Variants in ALDH3A2 observed in about 807,000 individuals in gnomAD.
ALDH3A2 encodes the protein aldehyde dehydrogenase family 3 member A2.
ALDH3A2 carries 36 observed loss-of-function variants against 51.3 expected under a neutral mutation model. The ratio of observed to expected loss-of-function variants is 0.70; its 90% CI spans 0.54 to 0.93. The LOEUF is 0.93. ALDH3A2 is among the 40% of genes least tolerant of loss of function. The pLI, the probability that ALDH3A2 is intolerant of heterozygous loss-of-function variation, is 0.00. For missense variants in ALDH3A2, 552 were observed against 603.1 expected (o/e 0.92, Z 0.89); for synonymous variants, 199 against 219.8 (o/e 0.91, Z 0.84).
intron 5 of ALDH3A2, 89 bp from the exon 6 acceptor site, chr17:19,661,038 T>G: frequency 7.8e-7 from 1 of 1,287,540 alleles, no homozygotes; most frequent in Non-Finnish European, 1.1e-6. Flanking sequence ...TAAAACCAGA[T>G]TGATTTTGGG....
At chr17:19,655,697 A>G (rs761954394) in intron 3 of ALDH3A2, among the ~76,000 whole-genome samples, 10 of 152,274 alleles carry the variant, frequency 6.6e-5, no homozygotes, top group Non-Finnish European at 1.5e-4. Context: ...CTTACTTTTG[A>G]TGCTGTTATT....
intron 9 of ALDH3A2, 25 bp from the exon 10 acceptor site, chr17:19,675,533 C>CT: frequency 6.2e-7 from 1 of 1,613,662 alleles, no homozygotes; most frequent in Non-Finnish European, 8.5e-7. Context: ...GCTGAGTAAA[C>CT]TGAATCCTTT....
chr17:19,655,242 G>A (rs1044793814), intron 3 of ALDH3A2: 3 of 152,190 alleles, frequency 2.0e-5, no homozygotes, highest in African/African-American at 7.2e-5. Flanking sequence ...ATTGAGGCCA[G>A]TTCTGGTTCT....
In ALDH3A2 at chr17:19,675,609, A is replaced by G. The variant is rs1325736402; in HGVS notation, c.*37A>G. The G allele has an allele frequency of 1.3e-6, 2 of 1,596,190 alleles. No individual in the cohort carries two copies. Among genetic ancestry groups the G allele is most frequent in the Admixed American group, 1.7e-5 (1 of 60,000 alleles). ...GTTCAACCTCCTAGTGCCTCTACTG[A>G]ATTATTCCTCTTTTAAATGGTTAAT... On this transcript the variant is annotated 3_prime_UTR_variant, in exon 10 of 10. Transcript: ENST00000176643.
chr17:19,657,378 A>C (rs2152328579), intron 4 of ALDH3A2, among the ~76,000 whole-genome samples: 1 of 152,314 alleles, frequency 6.6e-6, no homozygotes, highest in South Asian at 2.1e-4. Context: ...CAACCAGGAG[A>C]GTCTGTACCG....
chr17:19,673,547 A>C (rs765611517), intron 9 of ALDH3A2, among the ~76,000 whole-genome samples: 15 of 151,916 alleles, frequency 9.9e-5, no homozygotes, highest in Non-Finnish European at 1.8e-4. Context: ...GTGAAACCCC[A>C]TCTCTACTAA....
chr17:19,648,220 C>T (rs2084760671), upstream of ALDH3A2: 1 of 152,406 alleles, frequency 6.6e-6, no homozygotes, highest in African/African-American at 2.4e-5. Context: ...GGAGACGAAC[C>T]CCGGCTTCCC....
At position 19,671,739 on chromosome 17, in the gene ALDH3A2, CT is replaced by C; in HGVS notation, c.1228del (p.Tyr410IlefsTer18). On this transcript the variant is annotated frameshift_variant, in exon 9 of 10. Coordinates refer to ENST00000176643, the MANE Select transcript of ALDH3A2 (RefSeq NM_000382.3). LOFTEE classifies it high-confidence loss of function. Reference sequence around the variant, plus strand: ...ATTTCAGGTTCCAGTGGGATGGGAGCTTATCACGGAAAACATAGTTTTGATA... The same window carrying C: ...ATTTCAGGTTCCAGTGGGATGGGAGCTATCACGGAAAACATAGTTTTGATA... ...FGGVGSSGMGAYHGKHSFDTF... is the reference protein window; with the variant it reads ...FGGVGSSGMGXYHGKHSFDTF... The C allele has an allele frequency of 6.2e-7, 1 of 1,614,018 alleles. No homozygotes were observed. The highest frequency in any genetic ancestry group is 8.5e-7 in the Non-Finnish European group (1 of 1,179,910).
chr17:19,653,159 C>G lies in ALDH3A2; in HGVS notation c.471+527C>G, dbSNP rs1034405433. Among the ~76,000 whole-genome samples, 7 of 151,890 alleles carry G rather than the reference C, an allele frequency of 4.6e-5. No homozygotes were observed. In the South Asian group the frequency reaches 6.3e-4, roughly 14 times the overall value. On this transcript the variant is annotated intron_variant, in intron 3 of 9. Coordinates refer to ENST00000176643, the MANE Select transcript of ALDH3A2 (RefSeq NM_000382.3). ...TCCTGGGTGCAAGCGATTCTTCTGC[C>G]TCAGCCTCCCAAGTAGCTGGGATTA...
chr17:19,651,618 TC>T lies in ALDH3A2; in HGVS notation c.227del (p.Pro76LeufsTer31). 6.2e-7 allele frequency: 1 copy of T among 1,614,230 alleles called. No individual in the cohort carries two copies. Among genetic ancestry groups the T allele is most frequent in the South Asian group, 1.1e-5 (1 of 91,080 alleles). On this transcript the variant is annotated frameshift_variant, in exon 2 of 10. Coordinates refer to ENST00000176643, the MANE Select transcript of ALDH3A2 (RefSeq NM_000382.3). LOFTEE classifies it high-confidence loss of function. The part of the protein sequence containing the change: ...GEIDFMLENL[P>X]EWVTAKPVKK... ...AAATTGATTTTATGCTTGAGAATCT[TC>T]CTGAATGGGTTACTGCTAAACCAGT...
At chr17:19,661,458 T>C (rs760105634) in intron 6 of ALDH3A2, 190 bp downstream of exon 6, 1 of 662,646 alleles carries the variant, frequency 1.5e-6, no homozygotes, top group Non-Finnish European at 2.5e-6. Context: ...TTCTGTGTAT[T>C]GAATGATGCC....
intron 8 of ALDH3A2, among the ~76,000 whole-genome samples, chr17:19,667,082 C>T (rs2085048606): frequency 6.6e-6 from 1 of 151,998 alleles, no homozygotes; most frequent in Non-Finnish European, 1.5e-5. Flanking sequence ...ACCCATAACC[C>T]CACTATGTAA....
intron 9 of ALDH3A2, among the ~76,000 whole-genome samples, chr17:19,672,684 G>T (rs1214835966): frequency 2.6e-5 from 4 of 152,118 alleles, no homozygotes; most frequent in African/African-American, 9.7e-5. Context: ...TGAAAATATT[G>T]ACCATATCAG....
intron 5 of ALDH3A2, among the ~76,000 whole-genome samples, chr17:19,658,811 G>A (rs2084931195): frequency 6.6e-6 from 1 of 151,964 alleles, no homozygotes; most frequent in South Asian, 2.1e-4. Flanking sequence ...GTTCAGCAGT[G>A]GGTGAGGATC....
chr17:19,652,630 C>G lies in ALDH3A2; in HGVS notation c.469C>G (p.Gln157Glu). 6.2e-7 allele frequency: 1 copy of G among 1,610,868 alleles called. No individual in the cohort carries two copies. The highest frequency in any genetic ancestry group is 1.1e-5 in the South Asian group (1 of 91,008). ...LAKLLPQYLD[Q>E]DLYIVINGGV... is the part of the protein sequence containing the mutation. Reference sequence around the variant, plus strand: ...AAAGCTTCTCCCTCAGTATTTAGACCAGGTAAGAATTTCTTGACTCATCTC... The same window carrying G: ...AAAGCTTCTCCCTCAGTATTTAGACGAGGTAAGAATTTCTTGACTCATCTC... The change falls in exon 3 of 10, where the codon CAG becomes GAG. Residue 157 changes from glutamine (Q) to glutamate (E), a missense_variant and splice_region_variant. By Grantham distance (29) the Gln-to-Glu change is conservative (BLOSUM62 2). Coordinates refer to ENST00000176643, the MANE Select transcript of ALDH3A2 (RefSeq NM_000382.3).
chr17:19,664,294 G>T (rs1318741567), intron 7 of ALDH3A2, among the ~76,000 whole-genome samples: 2 of 152,186 alleles, frequency 1.3e-5, no homozygotes, highest in Non-Finnish European at 2.9e-5. Flanking sequence ...GGCTGGCCAG[G>T]GTATAAGTCA....
chr17:19,665,739 G>T (rs1221970458), intron 8 of ALDH3A2, among the ~76,000 whole-genome samples: 2 of 152,054 alleles, frequency 1.3e-5, no homozygotes, highest in Non-Finnish European at 2.9e-5. Context: ...TCTCCTTTGG[G>T]ACCTAGGCTA....
At position 19,649,090 on chromosome 17, in the gene ALDH3A2, A is replaced by C. The variant is rs147190807; in HGVS notation, c.119A>C (p.Asp40Ala). The C allele has an allele frequency of 1.3e-6, 2 of 1,582,244 alleles. No homozygotes were observed. The highest frequency in any genetic ancestry group is 1.7e-6 in the Non-Finnish European group (2 of 1,164,724). Residue 40 changes from aspartate to alanine, a missense_variant, in exon 1 of 10, where the codon GAT (aspartate) becomes GCT (alanine). Physicochemically the swap from Asp to Ala is moderately radical, Grantham distance 126. Transcript: ENST00000176643. The part of the protein sequence containing the change: ...LRRMVQEREK[D>A]ILTAIAADLC... ...AGGATGGTGCAGGAGCGCGAGAAGGATATCCTGACGGCCATCGCCGCCGAC... is the reference window on the plus strand; with the variant it reads ...AGGATGGTGCAGGAGCGCGAGAAGGCTATCCTGACGGCCATCGCCGCCGAC...
Position 19,675,680 on chromosome 17 carries a change from CA to C in ALDH3A2, c.*111del, listed in dbSNP as rs1422165674. 2.4e-6 allele frequency: 3 copies of C among 1,240,586 alleles called. No individual in the cohort carries two copies. Among genetic ancestry groups the C allele is most frequent in the Admixed American group, 3.4e-5 (2 of 58,952 alleles). The allele number at this position is 1,240,586 out of a possible 1,614,324, so 76.8% of individuals were successfully genotyped here. On this transcript the variant is annotated 3_prime_UTR_variant, in exon 10 of 10. Coordinates refer to ENST00000176643, the MANE Select transcript of ALDH3A2 (RefSeq NM_000382.3). ...ATACCAAAAATAGTAAGAAAATATG[CA>C]AACACTCTGTGATCAAACTTAAAAG...
Sources: allele counts gnomAD v4.1 joint callset (sites outside exome capture counted in the v4.1 genomes callset), GRCh38; gene constraint gnomAD v4.1.1; transcripts MANE v1.5; gene names NCBI Gene and HGNC (gene_info 2026-07-23, HGNC 2026-07-21).